The following ITGA9 variants were observed in gnomAD, a reference collection of about 807,000 sequenced individuals.
The protein encoded by ITGA9 is integrin alpha-9.
A neutral mutation model predicts 127.8 loss-of-function variants in ITGA9; 56 were observed. That is an observed-to-expected ratio of 0.44 (90% CI 0.35 to 0.55). ITGA9 has a LOEUF of 0.55. Among genes scored for constraint, ITGA9 ranks in the 20% least tolerant of loss-of-function variants. The probability of loss-of-function intolerance (pLI) is 0.00; values close to 1 mark genes in which losing one functional copy is unlikely to be tolerated. For synonymous variants in ITGA9, 508 were observed against 514.5 expected (o/e 0.99, Z 0.17); for missense variants, 1,196 against 1,347.1 (o/e 0.89, Z 1.76).
chr3:37,453,984 C>T (rs1698230888), intron 1 of ITGA9, among the ~76,000 whole-genome samples: 1 of 152,196 alleles, frequency 6.6e-6, no homozygotes, highest in Non-Finnish European at 1.5e-5. Flanking sequence ...CCTTTTAAAG[C>T]GGAGCAGGCT....
intron 18 of ITGA9, among the ~76,000 whole-genome samples, chr3:37,724,665 T>G (rs1163997023): frequency 2.0e-5 from 3 of 152,032 alleles, no homozygotes; most frequent in Admixed American, 6.6e-5. Flanking sequence ...CCCAGCTAAT[T>G]TTTTGTATTT....
chr3:37,791,881 A>G (rs1575239788), intron 26 of ITGA9, among the ~76,000 whole-genome samples: 1 of 152,248 alleles, frequency 6.6e-6, no homozygotes, highest in East Asian at 1.9e-4. Context: ...TACTGCTTCT[A>G]GAGGCAAAGT....
chr3:37,651,540 GA>G (rs958230214), intron 16 of ITGA9, among the ~76,000 whole-genome samples: 18 of 152,222 alleles, frequency 1.2e-4, no homozygotes, highest in African/African-American at 3.9e-4. Flanking sequence ...AGGCAAGCAA[GA>G]CCAGTACAGT....
chr3:37,524,613 G>T (rs1255738409), intron 12 of ITGA9, among the ~76,000 whole-genome samples: 2 of 152,188 alleles, frequency 1.3e-5, no homozygotes, highest in Non-Finnish European at 2.9e-5. Flanking sequence ...TACCTTATAT[G>T]GGTTTAGCAT....
At chr3:37,661,128 C>A (rs1281885071) in intron 17 of ITGA9, among the ~76,000 whole-genome samples, 2 of 152,146 alleles carry the variant, frequency 1.3e-5, no homozygotes, top group Non-Finnish European at 2.9e-5. Context: ...GACTTGGGAC[C>A]CATAATGCAA....
At chr3:37,534,090 G>A (rs1157752209) in intron 14 of ITGA9, among the ~76,000 whole-genome samples, 1 of 152,200 alleles carries the variant, frequency 6.6e-6, no homozygotes, top group Non-Finnish European at 1.5e-5. Flanking sequence ...CTAGAGACTG[G>A]ATTAAACCCC....
At chr3:37,587,683 A>C (rs1699771834) in intron 15 of ITGA9, among the ~76,000 whole-genome samples, 1 of 152,188 alleles carries the variant, frequency 6.6e-6, no homozygotes, top group Non-Finnish European at 1.5e-5. Flanking sequence ...TAATAATAAT[A>C]ATAACCATCA....
intron 5 of ITGA9, among the ~76,000 whole-genome samples, chr3:37,501,147 A>G (rs1401429689): frequency 6.6e-6 from 1 of 152,196 alleles, no homozygotes; most frequent in Non-Finnish European, 1.5e-5. Context: ...TTCATTAGAA[A>G]AATAATTCTG....
At chr3:37,478,835 T>C (rs1225654077) in intron 3 of ITGA9, among the ~76,000 whole-genome samples, 1 of 152,222 alleles carries the variant, frequency 6.6e-6, no homozygotes, top group Non-Finnish European at 1.5e-5. Context: ...CAGAATGCTT[T>C]TAGTTTAGTA....
intron 15 of ITGA9, among the ~76,000 whole-genome samples, chr3:37,616,700 TC>T (rs1700078345): frequency 6.6e-6 from 1 of 152,246 alleles, no homozygotes; most frequent in African/African-American, 2.4e-5. Context: ...GTTGAATTGA[TC>T]CCTTTACCAT....
chr3:37,581,547 G>A (rs912481753), intron 15 of ITGA9, among the ~76,000 whole-genome samples: 1 of 152,182 alleles, frequency 6.6e-6, no homozygotes, highest in African/African-American at 2.4e-5. Context: ...GACAGACCCG[G>A]TTCTATTTCT....
intron 23 of ITGA9, among the ~76,000 whole-genome samples, chr3:37,776,146 A>G (rs1276409625): frequency 1.3e-5 from 2 of 152,216 alleles, no homozygotes; most frequent in African/African-American, 2.4e-5. Context: ...ACTCATGAAC[A>G]CAAAGAAGGG....
chr3:37,703,606 A>G (rs1387980317), intron 18 of ITGA9, among the ~76,000 whole-genome samples: 1 of 152,086 alleles, frequency 6.6e-6, no homozygotes, highest in African/African-American at 2.4e-5. Context: ...TTTCTCTGTA[A>G]TTTTCTTTCT....
At chr3:37,599,080 C>A (rs1336327774) in intron 15 of ITGA9, among the ~76,000 whole-genome samples, 3 of 152,340 alleles carry the variant, frequency 2.0e-5, no homozygotes, top group South Asian at 2.1e-4. Context: ...CTGCTAAGAA[C>A]CTCATTCTTA....
intron 17 of ITGA9, among the ~76,000 whole-genome samples, chr3:37,664,280 A>G (rs1208539021): frequency 2.6e-5 from 4 of 152,078 alleles, no homozygotes; most frequent in Admixed American, 2.6e-4. Context: ...TCCACCAGCA[A>G]AGATAGCTGC....
chr3:37,797,906 G>T (rs1231112084), intron 26 of ITGA9, among the ~76,000 whole-genome samples: 1 of 151,918 alleles, frequency 6.6e-6, no homozygotes, highest in Non-Finnish European at 1.5e-5. Context: ...GCTGGCTTGA[G>T]CTCCTGGCCT....
chr3:37,554,675 G>T (rs1432597980), intron 15 of ITGA9, among the ~76,000 whole-genome samples: 1 of 152,080 alleles, frequency 6.6e-6, no homozygotes, highest in Non-Finnish European at 1.5e-5. Flanking sequence ...CAAATTCTGC[G>T]TGCATTTTGA....
chr3:37,575,069 A>T (rs1384812863), intron 15 of ITGA9, among the ~76,000 whole-genome samples: 1 of 152,122 alleles, frequency 6.6e-6, no homozygotes, highest in Non-Finnish European at 1.5e-5. Flanking sequence ...TCAGTGTTTG[A>T]TGATAAAATG....
At position 37,821,407 on chromosome 3, in the gene ITGA9, C is replaced by T. The variant is rs998972806; in HGVS notation, c.*2418C>T. On this transcript the variant is annotated 3_prime_UTR_variant, in exon 28 of 28. Coordinates refer to ENST00000264741, the MANE Select transcript of ITGA9 (RefSeq NM_002207.3). ...CAGAGAACACTTCAGGGACATTTTGCCTCAGGGTGGCAAAATGCAGTGGCA... is the reference window on the plus strand; with the variant it reads ...CAGAGAACACTTCAGGGACATTTTGTCTCAGGGTGGCAAAATGCAGTGGCA... 3.9e-5 allele frequency: 6 copies of T among 152,244 alleles called. No homozygotes were observed. The East Asian group carries it at 9.7e-4, about 25-fold the overall frequency. 9.4% of individuals were successfully genotyped at this position (152,244 alleles called of 1,614,324 possible).
Sources: gnomAD v4.1 joint callset for allele counts (sites outside exome capture counted in the v4.1 genomes callset) on GRCh38, gnomAD v4.1.1 for gene constraint, MANE v1.5 for transcripts, NCBI Gene and HGNC (gene_info 2026-07-23, HGNC 2026-07-21) for gene names.